The following CYP2J2 variants were observed in gnomAD, a reference collection of about 807,000 sequenced individuals.
CYP2J2 encodes cytochrome P450 2J2.
Under a neutral mutation model 48.8 loss-of-function variants are expected in CYP2J2, and 41 were observed. That is an observed-to-expected ratio of 0.84 (90% confidence interval 0.66 to 1.09). The LOEUF is 1.09. Ranked by LOEUF, CYP2J2 falls within the 50% of genes least tolerant of loss-of-function variation. CYP2J2 has a pLI of 0.00. For missense variants in CYP2J2, 644 were observed against 617.3 expected (o/e 1.04, Z -0.46); for synonymous variants, 221 against 227.1 (o/e 0.97, Z 0.24).
At chr1:59,920,570 A>G (rs1452184270) in intron 1 of CYP2J2, among the ~76,000 whole-genome samples, 2 of 152,182 alleles carry the variant, frequency 1.3e-5, no homozygotes, top group Non-Finnish European at 2.9e-5. Flanking sequence ...TTCTCAGTTG[A>G]TAAGGGAGAT....
intron 1 of CYP2J2, among the ~76,000 whole-genome samples, chr1:59,920,828 A>C (rs1218766312): frequency 6.6e-6 from 1 of 152,166 alleles, no homozygotes; most frequent in Non-Finnish European, 1.5e-5. Flanking sequence ...TTAGTTTCCA[A>C]ATTTTATAGA....
the CYP2J2 span, among the ~76,000 whole-genome samples, chr1:59,959,580 A>G: frequency 3.9e-5 from 6 of 152,214 alleles, no homozygotes; most frequent in Admixed American, 2.0e-4. Flanking sequence ...GTATATATGT[A>G]TGTATGTATG....
Position 59,900,911 on chromosome 1 carries a change from G to A in CYP2J2, c.1330+54C>T, listed in dbSNP as rs888804827. The A allele has an allele frequency of 1.1e-5, 18 of 1,583,840 alleles. No homozygotes were observed. In the African/African-American group the frequency reaches 1.7e-4, roughly 15 times the overall value. ...ACAAGGGAAAACAGGAGAGAGCAGGGGAGGGCTGGGAGAGGGGCCCTGGAC... is the reference window on the plus strand; with the variant it reads ...ACAAGGGAAAACAGGAGAGAGCAGGAGAGGGCTGGGAGAGGGGCCCTGGAC... On this transcript the variant is annotated intron_variant, in intron 8 of 8. Coordinates refer to ENST00000371204, the MANE Select transcript of CYP2J2 (RefSeq NM_000775.4).
In CYP2J2 at chr1:59,900,264, A is replaced by G. The variant is rs137916322; in HGVS notation, c.1330+701T>C. Among the ~76,000 whole-genome samples, 22 of 152,328 alleles carry G rather than the reference A, an allele frequency of 1.4e-4. 1 individual carries two copies. In the East Asian group the frequency reaches 4.2e-3, roughly 29 times the overall value. On this transcript the variant is annotated intron_variant, in intron 8 of 8. Coordinates refer to ENST00000371204, the MANE Select transcript of CYP2J2 (RefSeq NM_000775.4). ...CCTTGTCCCTCTCTATCTCATTATA[A>G]ATCAGCTCTATTTCTGTGTGAGTGG...
At chr1:59,929,554 G>C (rs1311134808), upstream of CYP2J2, among the ~76,000 whole-genome samples, 1 of 152,156 alleles carries the variant, frequency 6.6e-6, no homozygotes, top group African/African-American at 2.4e-5. Flanking sequence ...TCAACAGATA[G>C]AGGATATCAA....
At chr1:59,965,538 A>G in the CYP2J2 span, among the ~76,000 whole-genome samples, 1 of 152,288 alleles carries the variant, frequency 6.6e-6, no homozygotes, top group Non-Finnish European at 1.5e-5. Flanking sequence ...GGACTTTCCT[A>G]AGTACCCCTT....
At chr1:59,967,244 G>T in the CYP2J2 span, among the ~76,000 whole-genome samples, 1 of 152,112 alleles carries the variant, frequency 6.6e-6, no homozygotes, top group Non-Finnish European at 1.5e-5. Flanking sequence ...ATCACAAGGG[G>T]TTTATGCAAA....
chr1:59,896,569 C>A (rs963941195), intron 8 of CYP2J2, among the ~76,000 whole-genome samples: 2 of 151,994 alleles, frequency 1.3e-5, no homozygotes, highest in Non-Finnish European at 2.9e-5. Context: ...GCCACAGCCA[C>A]CCTGTGCAGA....
At chr1:59,915,825 A>T (rs2102129784) in intron 2 of CYP2J2, 113 bp downstream of exon 2, 66 of 991,908 alleles carry the variant, frequency 6.7e-5, no homozygotes, top group East Asian at 1.3e-4. Flanking sequence ...CAGGAAGTTT[A>T]TTATGGGGCT....
At chr1:59,927,770 G>A (rs1305529209), upstream of CYP2J2, among the ~76,000 whole-genome samples, 1 of 151,996 alleles carries the variant, frequency 6.6e-6, no homozygotes, top group Non-Finnish European at 1.5e-5. Context: ...ATGGGGTTTC[G>A]CCGTGTTGGT....
intron 1 of CYP2J2, among the ~76,000 whole-genome samples, chr1:59,917,709 C>G (rs942280234): frequency 6.6e-6 from 1 of 152,168 alleles, no homozygotes; most frequent in Non-Finnish European, 1.5e-5. Context: ...GGTTGGAGGA[C>G]AGTGTATGGT....
chr1:59,960,935 C>T, the CYP2J2 span, among the ~76,000 whole-genome samples: 6 of 151,960 alleles, frequency 3.9e-5, no homozygotes, highest in Non-Finnish European at 7.4e-5. Context: ...AACTGGATAT[C>T]CATAAGAAAA....
At chr1:59,924,448 C>T (rs1644545378) in intron 1 of CYP2J2, among the ~76,000 whole-genome samples, 1 of 151,990 alleles carries the variant, frequency 6.6e-6, no homozygotes, top group Non-Finnish European at 1.5e-5. Flanking sequence ...CATTCAAAAG[C>T]AAAATTATAA....
At chr1:59,935,759 T>C in the CYP2J2 span, among the ~76,000 whole-genome samples, 22 of 152,292 alleles carry the variant, frequency 1.4e-4, no homozygotes, top group African/African-American at 4.8e-4. Flanking sequence ...TGATATCATC[T>C]TTTCAGCCTG....
chr1:59,916,197 G>A, intron 1 of CYP2J2, 97 bp from the exon 2 acceptor site: 1 of 1,029,646 alleles, frequency 9.7e-7, no homozygotes, highest in Non-Finnish European at 1.4e-6. Flanking sequence ...ATTGAGAGGA[G>A]TGCGTGTGTC....
At chr1:59,954,485 C>T in the CYP2J2 span, among the ~76,000 whole-genome samples, 1 of 150,442 alleles carries the variant, frequency 6.6e-6, no homozygotes, top group African/African-American at 2.5e-5. Flanking sequence ...ACAAAGGAAC[C>T]TATTTTATTT....
At chr1:59,959,055 T>C in the CYP2J2 span, among the ~76,000 whole-genome samples, 1 of 152,160 alleles carries the variant, frequency 6.6e-6, no homozygotes, top group East Asian at 1.9e-4. Flanking sequence ...CCTAAAGCCA[T>C]TGCTTTTATG....
chr1:59,935,015 C>CGT, the CYP2J2 span, among the ~76,000 whole-genome samples: 6 of 47,506 alleles, frequency 1.3e-4, no homozygotes, highest in East Asian at 1.6e-3. Context: ...TATATATATA[C>CGT]ATATATATAT....
chr1:59,897,960 C>T (rs1310260069), intron 8 of CYP2J2, among the ~76,000 whole-genome samples: 1 of 152,140 alleles, frequency 6.6e-6, no homozygotes, highest in Non-Finnish European at 1.5e-5. Flanking sequence ...GTTTTGTCAA[C>T]CCTTTGGATT....
Sources: gnomAD v4.1 joint callset for allele counts (sites outside exome capture counted in the v4.1 genomes callset) on GRCh38, gnomAD v4.1.1 for gene constraint, MANE v1.5 for transcripts, NCBI Gene and HGNC (gene_info 2026-07-23, HGNC 2026-07-21) for gene names.